The following MARCO variants were observed in gnomAD, a reference collection of about 807,000 sequenced individuals.
MARCO encodes macrophage receptor MARCO.
A neutral mutation model predicts 70.0 loss-of-function variants in MARCO; 72 were observed. The observed-to-expected ratio is 1.03, with a 90% CI of 0.85 to 1.25. The LOEUF (loss-of-function observed/expected upper bound fraction) is 1.25, where lower values mean the gene tolerates loss of function less well. Ranked by LOEUF, MARCO falls within the 50% of genes most tolerant of loss-of-function variation. The pLI, the probability that MARCO is intolerant of heterozygous loss-of-function variation, is 0.00. For synonymous variants in MARCO, 273 were observed against 243.1 expected (o/e 1.12, Z -1.14); for missense variants, 696 against 659.3 (o/e 1.06, Z -0.61).
Position 118,970,348 on chromosome 2 carries a change from C to A in MARCO, c.424+10C>A, listed in dbSNP as rs377163283. On this transcript the variant is annotated intron_variant, in intron 3 of 16. Transcript: ENST00000327097. The stretch of plus-strand genomic sequence containing the variant: ...TTCACTCAGAACCCAGGTTTGGCCT[C>A]CTCCCCTCTGGGTCAGGACTTCTCA... 73 of 1,600,712 alleles carry A rather than the reference C, an allele frequency of 4.6e-5. No homozygotes were observed. Among genetic ancestry groups the A allele is most frequent in the Middle Eastern group, 1.6e-4 (1 of 6,064 alleles).
intron 12 of MARCO, among the ~76,000 whole-genome samples, chr2:118,989,332 T>C (rs2104609837): frequency 6.6e-6 from 1 of 152,162 alleles, no homozygotes; most frequent in Middle Eastern, 3.4e-3. Flanking sequence ...TACAAAAACC[T>C]ATCCCAACCT....
At chr2:118,961,064 C>T (rs907874590) in intron 1 of MARCO, among the ~76,000 whole-genome samples, 8 of 152,148 alleles carry the variant, frequency 5.3e-5, no homozygotes, top group Admixed American at 1.3e-4. Flanking sequence ...GCAAAGGACA[C>T]GATCTCATTC....
intron 1 of MARCO, among the ~76,000 whole-genome samples, chr2:118,961,075 C>A (rs1210991459): frequency 6.6e-6 from 1 of 152,136 alleles, no homozygotes; most frequent in African/African-American, 2.4e-5. Context: ...GATCTCATTC[C>A]TTTTCATGGC....
intron 15 of MARCO, 141 bp downstream of exon 15, chr2:118,992,617 T>C (rs1573412861): frequency 1.5e-6 from 1 of 687,930 alleles, no homozygotes. Context: ...GTCCCTTGAA[T>C]GAGCCTGCCC....
intron 8 of MARCO, 114 bp from the exon 9 acceptor site, chr2:118,981,295 G>C: frequency 1.4e-6 from 1 of 704,280 alleles, no homozygotes. Flanking sequence ...CACCAAGTAG[G>C]AGCTCAAGGA....
chr2:118,949,346 A>G (rs923027413), intron 1 of MARCO: 1 of 152,136 alleles, frequency 6.6e-6, no homozygotes, highest in African/African-American at 2.4e-5. Flanking sequence ...TTAACCAGGC[A>G]TTTACATCTT....
intron 12 of MARCO, among the ~76,000 whole-genome samples, chr2:118,982,746 G>T (rs1680419007): frequency 6.6e-6 from 1 of 152,102 alleles, no homozygotes; most frequent in South Asian, 2.1e-4. Context: ...CCCTTCATTG[G>T]GGCCCCTAAG....
intron 12 of MARCO, among the ~76,000 whole-genome samples, chr2:118,984,324 A>G (rs1176591506): frequency 6.6e-6 from 1 of 152,174 alleles, no homozygotes; most frequent in Non-Finnish European, 1.5e-5. Context: ...CACCCATTTT[A>G]GCAAAAGACT....
rs373258451 is a variant in MARCO at position 118,942,399 on chromosome 2, T to G, written c.97+2T>G. 6 of 1,603,954 alleles carry G rather than the reference T, an allele frequency of 3.7e-6. No individual in the cohort carries two copies. In the African/African-American group the frequency reaches 6.7e-5, roughly 18 times the overall value. ...CAATGGAGCCTTTCGAAATCAATGGTAAAGTACGATTCCCCAATAATGGAA... is the reference window on the plus strand; with the variant it reads ...CAATGGAGCCTTTCGAAATCAATGGGAAAGTACGATTCCCCAATAATGGAA... On this transcript the variant is annotated splice_donor_variant, in intron 1 of 16. Coordinates refer to ENST00000327097, the MANE Select transcript of MARCO (RefSeq NM_006770.4). LOFTEE classifies it high-confidence loss of function.
chr2:118,956,226 C>A (rs1036079151), intron 1 of MARCO, among the ~76,000 whole-genome samples: 6 of 152,136 alleles, frequency 3.9e-5, no homozygotes, highest in Non-Finnish European at 8.8e-5. Flanking sequence ...CAACAACCAA[C>A]TACCTGCTAA....
intron 13 of MARCO, 103 bp from the exon 14 acceptor site, chr2:118,991,674 T>G: frequency 4.8e-6 from 3 of 619,180 alleles, no homozygotes; most frequent in South Asian, 2.4e-5. Flanking sequence ...ATGGGGGAGG[T>G]CTGGCAGTTA....
intron 1 of MARCO, among the ~76,000 whole-genome samples, chr2:118,957,596 C>A (rs1244700372): frequency 6.6e-6 from 1 of 152,008 alleles, no homozygotes; most frequent in Non-Finnish European, 1.5e-5. Context: ...TACTAAGGTA[C>A]CAATCCTTTT....
At position 118,986,717 on chromosome 2, in the gene MARCO, GAA is replaced by G. The variant is rs752025427; in HGVS notation, c.1064-3870_1064-3869del. Among the ~76,000 whole-genome samples the G allele has an allele frequency of 6.9e-5, 7 of 102,074 alleles. 2 individuals are homozygous for G. Among genetic ancestry groups the G allele is most frequent in the South Asian group, 3.8e-4 (1 of 2,622 alleles). The allele number at this position is 102,074 out of a possible 152,430, so 67.0% of individuals were successfully genotyped here. On this transcript the variant is annotated intron_variant, in intron 12 of 16. Coordinates refer to ENST00000327097, the MANE Select transcript of MARCO (RefSeq NM_006770.4). ...AGAAAGAAAGAAAGAAAGAAAGAAA[GAA>G]AGAAAAGAAAGAAAGAAAGAGAAAG... is the stretch of plus-strand genomic sequence containing the variant.
chr2:118,979,058 A>C (rs1305037351), intron 8 of MARCO, among the ~76,000 whole-genome samples: 2 of 152,200 alleles, frequency 1.3e-5, no homozygotes, highest in Admixed American at 1.3e-4. Flanking sequence ...TTACTGCAGG[A>C]ATATAAGACA....
rs1680304975 is a variant in MARCO at position 118,977,451 on chromosome 2, TC to T, written c.614-19del. ...CATTCTCAGGCCACAGCAACTGAGC[TC>T]TTTTTTCCTTCCTCACAGGCCTCCA... On this transcript the variant is annotated intron_variant, in intron 6 of 16. Transcript: ENST00000327097. 1.2e-6 allele frequency: 2 copies of T among 1,610,702 alleles called. No individual in the cohort carries two copies. The highest frequency in any genetic ancestry group is 2.7e-5 in the African/African-American group (2 of 74,964).
chr2:118,970,085 C>T (rs1680132522), intron 2 of MARCO, 29 bp from the exon 3 acceptor site: 8 of 1,588,452 alleles, frequency 5.0e-6, no homozygotes, highest in African/African-American at 1.3e-5. Flanking sequence ...GCCTCAGTCC[C>T]TAAAAGAATG....
intron 1 of MARCO, among the ~76,000 whole-genome samples, chr2:118,955,117 GA>G (rs930495727): frequency 4.6e-5 from 7 of 151,692 alleles, no homozygotes; most frequent in African/African-American, 1.4e-4. Context: ...TGATTTACCT[GA>G]AAAAAAATTC....
In MARCO at chr2:118,971,094, G is replaced by A. The variant is rs113057281; in HGVS notation, c.425-405G>A. On this transcript the variant is annotated intron_variant, in intron 3 of 16. Coordinates refer to ENST00000327097, the MANE Select transcript of MARCO (RefSeq NM_006770.4). The stretch of plus-strand genomic sequence containing the variant: ...GCTGAGTGGGGGTGTGAGGAGGGGC[G>A]ATAGCTGTGGGCAGATGGAAGGAGT... Among the ~76,000 whole-genome samples the A allele has an allele frequency of 4.9e-4, 74 of 152,290 alleles. 1 individual carries two copies. The highest frequency in any genetic ancestry group is 1.5e-3 in the African/African-American group (63 of 41,572).
At chr2:118,976,002 C>T (rs1680275586) in intron 6 of MARCO, among the ~76,000 whole-genome samples, 1 of 152,148 alleles carries the variant, frequency 6.6e-6, no homozygotes, top group African/African-American at 2.4e-5. Flanking sequence ...CATCCTCTTT[C>T]CTCCGAGAGA....
Sources: gnomAD v4.1 joint callset for allele counts (sites outside exome capture counted in the v4.1 genomes callset) on GRCh38, gnomAD v4.1.1 for gene constraint, MANE v1.5 for transcripts, NCBI Gene and HGNC (gene_info 2026-07-23, HGNC 2026-07-21) for gene names.